Variants in WDR7 observed in about 807,000 individuals in gnomAD.
WDR7 encodes the protein WD repeat-containing protein 7.
Under a neutral mutation model 169.4 loss-of-function variants are expected in WDR7, and 46 were observed. That is an observed-to-expected ratio of 0.27 (90% CI 0.21 to 0.35). The LOEUF (loss-of-function observed/expected upper bound fraction) is 0.35, where lower values mean the gene tolerates loss of function less well. Among genes scored for constraint, WDR7 ranks in the 10% least tolerant of loss-of-function variants. WDR7 has a pLI of 1.00. For synonymous variants in WDR7, 612 were observed against 666.8 expected (o/e 0.92, Z 1.27); for missense variants, 1,534 against 1,859.3 (o/e 0.83, Z 3.22).
At chr18:56,658,625 C>CA (rs2024831850) in intron 1 of WDR7, among the ~76,000 whole-genome samples, 2 of 152,176 alleles carry the variant, frequency 1.3e-5, no homozygotes, top group African/African-American at 2.4e-5. Flanking sequence ...AAAGGCTCTT[C>CA]TTTTTTCTAA....
intron 9 of WDR7, among the ~76,000 whole-genome samples, 174 bp from the exon 10 acceptor site, chr18:56,694,445 G>A (rs1311923593): frequency 6.6e-6 from 1 of 152,120 alleles, no homozygotes; most frequent in Non-Finnish European, 1.5e-5. Context: ...TAGTTGACAT[G>A]TATGTTAGTG....
At chr18:56,933,408 T>G (rs1299168496) in intron 22 of WDR7, among the ~76,000 whole-genome samples, 1 of 152,236 alleles carries the variant, frequency 6.6e-6, no homozygotes, top group Non-Finnish European at 1.5e-5. Flanking sequence ...CTGAGTTTGA[T>G]CTTTCTGATA....
At chr18:56,872,013 G>A (rs536484852) in intron 20 of WDR7, among the ~76,000 whole-genome samples, 54 of 152,028 alleles carry the variant, frequency 3.6e-4, no homozygotes, top group African/African-American at 1.1e-3. Context: ...AAGTATTCTC[G>A]GAGTAGTAAA....
chr18:56,918,131 G>C (rs1205450021), intron 21 of WDR7, among the ~76,000 whole-genome samples: 1 of 152,150 alleles, frequency 6.6e-6, no homozygotes, highest in Non-Finnish European at 1.5e-5. Flanking sequence ...ACATAACAGA[G>C]GTGGTGCTGA....
rs143119808 is a variant in WDR7, at chr18:56,758,920, T to G, written c.2815T>G (p.Ser939Ala). The G allele has an allele frequency of 3.2e-5, 52 of 1,613,152 alleles. 1 individual carries two copies. In the East Asian group the frequency reaches 6.3e-4, roughly 19 times the overall value. Residue 939 changes from serine (S) to alanine (A), a missense_variant, in exon 16 of 28, where the codon TCC (serine) becomes GCC (alanine). Ser to Ala is a moderately conservative substitution (Grantham distance 99). Coordinates refer to ENST00000254442, the MANE Select transcript of WDR7 (RefSeq NM_015285.3). ...LSKARGSPPT[S>A]SNIVQGQIKQ... ...TAAGGCAAGGGGTTCCCCTCCAACT[T>G]CCAGTAATATTGTGCAAGGACAGAT...
intron 13 of WDR7, among the ~76,000 whole-genome samples, chr18:56,727,285 T>C (rs562606289): frequency 2.0e-5 from 3 of 151,698 alleles, no homozygotes; most frequent in Non-Finnish European, 4.4e-5. Context: ...TCTTTAAATA[T>C]TCAGGCAGAG....
intron 1 of WDR7, among the ~76,000 whole-genome samples, chr18:56,658,714 T>C (rs1480554773): frequency 1.3e-5 from 2 of 152,138 alleles, no homozygotes; most frequent in African/African-American, 4.8e-5. Context: ...ATCACTGTAC[T>C]TACTTACTTT....
intron 26 of WDR7, among the ~76,000 whole-genome samples, chr18:57,007,137 A>G (rs564439500): frequency 1.6e-4 from 25 of 151,778 alleles, no homozygotes; most frequent in Non-Finnish European, 2.9e-4. Context: ...CCGCCACAAC[A>G]CCCAGCTAAT....
intron 13 of WDR7, among the ~76,000 whole-genome samples, chr18:56,721,007 G>T (rs1235710681): frequency 1.3e-5 from 2 of 151,764 alleles, no homozygotes; most frequent in Non-Finnish European, 2.9e-5. Context: ...GGTACATCCT[G>T]GAGGTATTGA....
Position 56,880,018 on chromosome 18 carries a change from A to G in WDR7, c.3379A>G (p.Ile1127Val), listed in dbSNP as rs375430949. 20 of 1,614,104 alleles carry G rather than the reference A, an allele frequency of 1.2e-5. No homozygotes were observed. The African/African-American group carries it at 1.9e-4, about 15-fold the overall frequency. ...YEERRKQATA[I>V]VLLGVIGAEF... ...GGAAAGACGGAAGCAAGCTACCGCT[A>G]TTGTTTTACTTGGAGTAATAGGAGC... Residue 1127 changes from isoleucine to valine, a missense_variant, in exon 21 of 28, where the codon ATT becomes GTT. By Grantham distance (29) the Ile-to-Val change is conservative. Coordinates refer to ENST00000254442, the MANE Select transcript of WDR7 (RefSeq NM_015285.3).
At chr18:56,815,567 G>A (rs2044951283) in intron 19 of WDR7, among the ~76,000 whole-genome samples, 1 of 152,074 alleles carries the variant, frequency 6.6e-6, no homozygotes, top group Admixed American at 6.6e-5. Flanking sequence ...TGGGTAGTGT[G>A]TTTCAGGTCC....
intron 19 of WDR7, among the ~76,000 whole-genome samples, chr18:56,785,276 T>C (rs1466719158): frequency 6.6e-6 from 1 of 152,208 alleles, no homozygotes; most frequent in Non-Finnish European, 1.5e-5. Flanking sequence ...TTGTCATTAA[T>C]GTTTGAGATG....
rs1318562355 is a variant in WDR7, at chr18:56,665,305, AAAAG to A, written c.-19-7189_-19-7186del. On this transcript the variant is annotated intron_variant, in intron 1 of 27. Transcript: ENST00000254442. ...TAAAACTCCATCTAAAAAAAAAAAAAAAAGAAGAAGAAGAAGAACTTGGTGTAGG... is the reference window on the plus strand; with the variant it reads ...TAAAACTCCATCTAAAAAAAAAAAAAAAGAAGAAGAAGAACTTGGTGTAGG... 4.2e-3 allele frequency among the ~76,000 whole-genome samples: 401 copies of A among 95,010 alleles called. 4 individuals are homozygous for A. The East Asian group carries it at 0.062, about 15-fold the overall frequency. 62.3% of individuals were successfully genotyped at this position (95,010 alleles called of 152,430 possible). A position where few individuals can be genotyped will look rare whatever the true frequency, so the allele number is the denominator to read the frequency against.
intron 12 of WDR7, among the ~76,000 whole-genome samples, chr18:56,707,219 A>G (rs1294474657): frequency 6.6e-6 from 1 of 152,062 alleles, no homozygotes; most frequent in African/African-American, 2.4e-5. Context: ...CTGACATCAA[A>G]TGATCCACCT....
chr18:56,989,137 A>G (rs541708279), intron 26 of WDR7, among the ~76,000 whole-genome samples: 5 of 151,796 alleles, frequency 3.3e-5, no homozygotes, highest in Non-Finnish European at 7.4e-5. Flanking sequence ...TGTTTTCAGC[A>G]TGAATTTAAC....
At chr18:56,804,475 CCACTT>C (rs1243659912) in intron 19 of WDR7, among the ~76,000 whole-genome samples, 4 of 152,184 alleles carry the variant, frequency 2.6e-5, no homozygotes, top group African/African-American at 9.6e-5. Flanking sequence ...ACTTCATAGT[CCACTT>C]CACACAATAA....
rs77684282 is a variant in WDR7, at chr18:56,710,691, A to G, written c.1579-7273A>G. Among the ~76,000 whole-genome samples the G allele has an allele frequency of 2.7e-3, 413 of 152,326 alleles. 4 individuals carry two copies. In the East Asian group the frequency reaches 0.036, roughly 13 times the overall value. On this transcript the variant is annotated intron_variant, in intron 12 of 27. Transcript: ENST00000254442. Reference sequence around the variant, plus strand: ...TTAACATTTTTAAGGCTGCTGAATTATATTATGAAATTATTTTCTACTCTC... The same window carrying G: ...TTAACATTTTTAAGGCTGCTGAATTGTATTATGAAATTATTTTCTACTCTC...
intron 19 of WDR7, among the ~76,000 whole-genome samples, chr18:56,807,681 A>AC: frequency 6.6e-6 from 1 of 152,228 alleles, no homozygotes; most frequent in East Asian, 1.9e-4. Context: ...TTCTAAAAAA[A>AC]AAAAATACTA....
At chr18:57,003,067 A>G (rs2048005996) in intron 26 of WDR7, among the ~76,000 whole-genome samples, 1 of 152,162 alleles carries the variant, frequency 6.6e-6, no homozygotes, top group Non-Finnish European at 1.5e-5. Context: ...CTGCAGTTTC[A>G]TCTTGCTATT....
Sources: allele counts gnomAD v4.1 joint callset (sites outside exome capture counted in the v4.1 genomes callset), GRCh38; gene constraint gnomAD v4.1.1; transcripts MANE v1.5; gene names NCBI Gene and HGNC (gene_info 2026-07-23, HGNC 2026-07-21).